Variants in IL1RAPL2 observed in about 807,000 individuals in gnomAD.
IL1RAPL2 encodes the protein interleukin 1 receptor accessory protein like 2.
IL1RAPL2 carries 3 observed loss-of-function variants against 44.1 expected under a neutral mutation model. The ratio of observed to expected loss-of-function variants is 0.07; its 90% CI spans 0.03 to 0.18. The LOEUF (loss-of-function observed/expected upper bound fraction) is 0.18. IL1RAPL2 is among the 10% of genes least tolerant of loss of function. IL1RAPL2 has a pLI of 1.00. For synonymous variants in IL1RAPL2, 181 were observed against 178.8 expected (o/e 1.01, Z -0.10); for missense variants, 391 against 496.4 (o/e 0.79, Z 2.02).
intron 2 of IL1RAPL2, among the ~76,000 whole-genome samples, chrX:104,882,239 C>T (rs1923089857): frequency 8.9e-6 from 1 of 111,934 alleles, no homozygotes; most frequent in South Asian, 3.7e-4. Flanking sequence ...TTTTTAAAGC[C>T]TTTTAAGAAG....
chrX:105,578,389 A>G (rs2037066250), intron 6 of IL1RAPL2, among the ~76,000 whole-genome samples: 1 of 110,979 alleles, frequency 9.0e-6, no homozygotes, highest in Non-Finnish European at 1.9e-5. Context: ...TGTTATTTTA[A>G]TATTTAAATT....
At chrX:104,772,030 T>C (rs1487224193) in intron 2 of IL1RAPL2, among the ~76,000 whole-genome samples, 1 of 111,732 alleles carries the variant, frequency 8.9e-6, no homozygotes, top group African/African-American at 3.3e-5. Context: ...AGTTATACTT[T>C]GTGTGACCCT....
Position 105,347,556 on chromosome X carries a change from CCATCATCAT to C in IL1RAPL2, c.697+80054_697+80062del, listed in dbSNP as rs35941963. On this transcript the variant is annotated intron_variant, in intron 5 of 10. Coordinates refer to ENST00000372582, the MANE Select transcript of IL1RAPL2 (RefSeq NM_017416.2). Reference sequence around the variant, plus strand: ...TCCTCCCGCTCTTCCCTCTCTTCCTCCATCATCATCATCATCATCATCATCATCATCATC... The same window carrying C: ...TCCTCCCGCTCTTCCCTCTCTTCCTCCATCATCATCATCATCATCATCATC... 9.3e-3 allele frequency among the ~76,000 whole-genome samples: 934 copies of C among 100,496 alleles called. 10 individuals carry two copies. Among genetic ancestry groups the C allele is most frequent in the African/African-American group, 0.032 (845 of 26,729 alleles). 87.3% of individuals were successfully genotyped at this position (100,496 alleles called of 115,157 possible).
chrX:105,142,350 T>C (rs2033132564), intron 2 of IL1RAPL2, among the ~76,000 whole-genome samples: 1 of 111,727 alleles, frequency 9.0e-6, no homozygotes, highest in East Asian at 2.8e-4. Context: ...TCTCATTTTT[T>C]CCTCATCACT....
chrX:105,523,794 G>GA (rs112555303), intron 6 of IL1RAPL2, among the ~76,000 whole-genome samples: 4,406 of 107,763 alleles, frequency 0.041, 247 homozygotes, highest in African/African-American at 0.14. Flanking sequence ...AGCCATAAAA[G>GA]AAAAAAAAAT....
At chrX:105,314,584 C>T (rs181678388) in intron 5 of IL1RAPL2, among the ~76,000 whole-genome samples, 80 of 111,654 alleles carry the variant, frequency 7.2e-4, no homozygotes, top group Non-Finnish European at 1.4e-3. Flanking sequence ...TGTTATACCA[C>T]ACCTAATTTC....
intron 5 of IL1RAPL2, among the ~76,000 whole-genome samples, chrX:105,447,540 T>C (rs2035975913): frequency 1.3e-5 from 1 of 75,003 alleles, no homozygotes; most frequent in African/African-American, 5.9e-5. Flanking sequence ...TAAATATCAA[T>C]ATATAAATAT....
At chrX:104,964,268 A>G (rs1009405041) in intron 2 of IL1RAPL2, among the ~76,000 whole-genome samples, 1 of 104,988 alleles carries the variant, frequency 9.5e-6, no homozygotes, top group African/African-American at 3.4e-5. Flanking sequence ...ATGGTACTAC[A>G]TTGTGCCAGG....
At chrX:104,821,989 T>C (rs1272319905) in intron 2 of IL1RAPL2, among the ~76,000 whole-genome samples, 1 of 112,607 alleles carries the variant, frequency 8.9e-6, no homozygotes, top group East Asian at 2.8e-4. Flanking sequence ...ATTTCTCTAA[T>C]GACCAGTGAT....
chrX:104,727,717 A>C (rs1931823827), intron 2 of IL1RAPL2, among the ~76,000 whole-genome samples: 1 of 111,653 alleles, frequency 9.0e-6, no homozygotes, highest in African/African-American at 3.2e-5. Flanking sequence ...GATAAAGAAA[A>C]TTTGGTACAT....
intron 2 of IL1RAPL2, among the ~76,000 whole-genome samples, chrX:104,910,527 T>C (rs1602809317): frequency 9.0e-6 from 1 of 111,671 alleles, no homozygotes; most frequent in African/African-American, 3.3e-5. Flanking sequence ...TAGCCCCCTG[T>C]CCCCTGACAG....
chrX:105,295,974 G>A (rs773601375), intron 5 of IL1RAPL2, among the ~76,000 whole-genome samples: 162 of 110,844 alleles, frequency 1.5e-3, no homozygotes, highest in Non-Finnish European at 2.3e-3. Context: ...CTTATACCCA[G>A]CTGCCAGATC....
intron 1 of IL1RAPL2, among the ~76,000 whole-genome samples, chrX:104,642,135 A>T (rs934742978): frequency 1.8e-5 from 2 of 111,327 alleles, no homozygotes; most frequent in Non-Finnish European, 3.8e-5. Context: ...CTGCCACTCA[A>T]TCCTGGCCAG....
At chrX:105,566,224 G>A (rs1202263271) in intron 6 of IL1RAPL2, among the ~76,000 whole-genome samples, 2 of 111,069 alleles carry the variant, frequency 1.8e-5, no homozygotes, top group Non-Finnish European at 1.9e-5. Flanking sequence ...AAGAGAGAGA[G>A]AAAAAAAGAA....
At position 105,415,901 on chromosome X, in the gene IL1RAPL2, A is replaced by G. The variant is rs975344730; in HGVS notation, c.698-68412A>G. 3.6e-5 allele frequency among the ~76,000 whole-genome samples: 4 copies of G among 111,951 alleles called. No homozygotes were observed. The East Asian group carries it at 8.4e-4, about 24-fold the overall frequency. Reference sequence around the variant, plus strand: ...CTCTATATATTAGACAAAGATTAAAACATCTCTTTTTGAAGTTACTGAATT... The same window carrying G: ...CTCTATATATTAGACAAAGATTAAAGCATCTCTTTTTGAAGTTACTGAATT... On this transcript the variant is annotated intron_variant, in intron 5 of 10. Coordinates refer to ENST00000372582, the MANE Select transcript of IL1RAPL2 (RefSeq NM_017416.2).
rs1261904756 is a variant in IL1RAPL2, at chrX:105,331,240, C to T, written c.697+63699C>T. Among the ~76,000 whole-genome samples, 23 of 111,328 alleles carry T rather than the reference C, an allele frequency of 2.1e-4. No individual in the cohort carries two copies. In the Admixed American group the frequency reaches 2.2e-3, roughly 11 times the overall value. ...CACACTGTTTGTGCTGCCTAGAATA[C>T]TCTTTATTTTTGTGCCAGAAAAAAA... On this transcript the variant is annotated intron_variant, in intron 5 of 10. Transcript: ENST00000372582.
chrX:104,714,998 A>G (rs1457565322), intron 2 of IL1RAPL2, among the ~76,000 whole-genome samples: 1 of 111,198 alleles, frequency 9.0e-6, no homozygotes, highest in Non-Finnish European at 1.9e-5. Flanking sequence ...ACATCATGCA[A>G]TGAGTTGGGT....
At chrX:104,569,865 G>A (rs1303410249) in intron 1 of IL1RAPL2, among the ~76,000 whole-genome samples, 1 of 112,381 alleles carries the variant, frequency 8.9e-6, no homozygotes, top group African/African-American at 3.2e-5. Flanking sequence ...ACGATGTGAT[G>A]TGAGGCCCTG....
At chrX:105,018,396 A>G (rs944804366) in intron 2 of IL1RAPL2, among the ~76,000 whole-genome samples, 13 of 111,420 alleles carry the variant, frequency 1.2e-4, no homozygotes, top group Admixed American at 2.9e-4. Context: ...CTCAAAAAGC[A>G]TCTCCTCTGT....
Sources: allele counts gnomAD v4.1 joint callset (sites outside exome capture counted in the v4.1 genomes callset), GRCh38; gene constraint gnomAD v4.1.1; transcripts MANE v1.5; gene names NCBI Gene and HGNC (gene_info 2026-07-23, HGNC 2026-07-21).